GRM7: variants seen among roughly 807,000 people sequenced by gnomAD.
GRM7 encodes glutamate metabotropic receptor 7.
A neutral mutation model predicts 84.5 loss-of-function variants in GRM7; 35 were observed. The ratio of observed to expected loss-of-function variants is 0.41; its 90% CI spans 0.32 to 0.55. GRM7 has a LOEUF of 0.55. Among genes scored for constraint, GRM7 ranks in the 20% least tolerant of loss-of-function variants. The probability of loss-of-function intolerance (pLI) is 0.19; values close to 1 mark genes in which losing one functional copy is unlikely to be tolerated. For missense variants in GRM7, 1,003 were observed against 1,194.6 expected (o/e 0.84, Z 2.36); for synonymous variants, 487 against 455.1 (o/e 1.07, Z -0.89).
intron 1 of GRM7, among the ~76,000 whole-genome samples, chr3:7,091,821 C>T (rs138853396): frequency 0.013 from 1,996 of 150,444 alleles, 24 homozygotes; most frequent in Admixed American, 0.025. Flanking sequence ...CAGTAGCTAC[C>T]TTATGCTACA....
At chr3:7,656,031 A>C (rs565428643) in intron 8 of GRM7, among the ~76,000 whole-genome samples, 1 of 152,338 alleles carries the variant, frequency 6.6e-6, no homozygotes, top group South Asian at 2.1e-4. Flanking sequence ...GATTAAGAGT[A>C]ATAATAAATG....
In GRM7 at chr3:7,509,437, C is replaced by T. The variant is rs563183189; in HGVS notation, c.1515+47715C>T. Among the ~76,000 whole-genome samples, 161 of 152,242 alleles carry T rather than the reference C, an allele frequency of 1.1e-3. 2 individuals carry two copies. In the South Asian group the frequency reaches 0.03, roughly 28 times the overall value. On this transcript the variant is annotated intron_variant, in intron 7 of 9. Coordinates refer to ENST00000357716, the MANE Select transcript of GRM7 (RefSeq NM_000844.4). ...GCTACATAGGATGGGTACTATCTGGCGTCTACTGGGGTCTTGGAATGTATC... is the reference window on the plus strand; with the variant it reads ...GCTACATAGGATGGGTACTATCTGGTGTCTACTGGGGTCTTGGAATGTATC...
At chr3:7,093,927 T>C (rs1051978827) in intron 1 of GRM7, among the ~76,000 whole-genome samples, 6 of 152,084 alleles carry the variant, frequency 3.9e-5, no homozygotes, top group Admixed American at 3.9e-4. Flanking sequence ...AAAACTCTAT[T>C]TATGGGATTA....
intron 1 of GRM7, among the ~76,000 whole-genome samples, chr3:7,026,816 AT>A (rs963695883): frequency 1.3e-5 from 2 of 152,232 alleles, no homozygotes; most frequent in African/African-American, 4.8e-5. Context: ...ACCAGAAAAT[AT>A]GGGGTTTTAG....
At chr3:7,082,400 A>T (rs577341237) in intron 1 of GRM7, among the ~76,000 whole-genome samples, 9 of 152,110 alleles carry the variant, frequency 5.9e-5, no homozygotes, top group Non-Finnish European at 1.3e-4. Flanking sequence ...GAGAGCTACT[A>T]CTCGGTAAAA....
intron 7 of GRM7, among the ~76,000 whole-genome samples, chr3:7,471,584 T>A (rs1457017622): frequency 1.3e-5 from 2 of 152,192 alleles, no homozygotes; most frequent in East Asian, 3.9e-4. Context: ...ATTTGTTTCA[T>A]TGATTCTCCT....
intron 2 of GRM7, among the ~76,000 whole-genome samples, chr3:7,168,821 T>G (rs896860042): frequency 1.3e-5 from 2 of 152,134 alleles, no homozygotes; most frequent in African/African-American, 4.8e-5. Context: ...ATGGCCAACT[T>G]CTCTATGAAA....
intron 2 of GRM7, among the ~76,000 whole-genome samples, chr3:7,211,885 T>C (rs1696441516): frequency 6.6e-6 from 1 of 152,066 alleles, no homozygotes; most frequent in South Asian, 2.1e-4. Flanking sequence ...ACTTTTTCAC[T>C]TTTGACTTCC....
intron 7 of GRM7, among the ~76,000 whole-genome samples, chr3:7,487,177 A>G (rs1295671191): frequency 6.6e-6 from 1 of 152,200 alleles, no homozygotes; most frequent in Non-Finnish European, 1.5e-5. Context: ...TAAGCAAAAT[A>G]TAGAAGGAAC....
chr3:7,480,461 T>G (rs1261063359), intron 7 of GRM7, among the ~76,000 whole-genome samples: 1 of 152,226 alleles, frequency 6.6e-6, no homozygotes, highest in Non-Finnish European at 1.5e-5. Context: ...TTTAGAACTG[T>G]GTTAAAGTTG....
intron 9 of GRM7, among the ~76,000 whole-genome samples, chr3:7,734,698 A>T (rs1702444748): frequency 6.6e-6 from 1 of 152,160 alleles, no homozygotes; most frequent in Admixed American, 6.5e-5. Context: ...CTCCTGGGAG[A>T]TGGAGAAAGT....
At chr3:7,021,520 A>G (rs558093476) in intron 1 of GRM7, among the ~76,000 whole-genome samples, 3 of 152,338 alleles carry the variant, frequency 2.0e-5, no homozygotes, top group South Asian at 2.1e-4. Context: ...ACTGTGGTGC[A>G]TAATTCTCAC....
intron 1 of GRM7, among the ~76,000 whole-genome samples, chr3:6,887,455 C>T (rs1695743231): frequency 6.6e-6 from 1 of 151,932 alleles, no homozygotes; most frequent in Non-Finnish European, 1.5e-5. Context: ...TGTTCAATTC[C>T]CACCTATGAG....
At chr3:7,720,859 C>T (rs1312766879) in intron 9 of GRM7, among the ~76,000 whole-genome samples, 2 of 152,198 alleles carry the variant, frequency 1.3e-5, no homozygotes, top group Non-Finnish European at 2.9e-5. Context: ...ATAGCCCTCT[C>T]TTGTCTTACC....
intron 8 of GRM7, among the ~76,000 whole-genome samples, chr3:7,638,018 T>C (rs1698181160): frequency 6.6e-6 from 1 of 152,258 alleles, no homozygotes; most frequent in African/African-American, 2.4e-5. Flanking sequence ...TTCTATAATT[T>C]CTCTCTGGCA....
chr3:7,016,217 G>A (rs1695561058), intron 1 of GRM7, among the ~76,000 whole-genome samples: 1 of 152,150 alleles, frequency 6.6e-6, no homozygotes, highest in African/African-American at 2.4e-5. Context: ...TTTGACAACT[G>A]AAAAAGTGTT....
intron 9 of GRM7, among the ~76,000 whole-genome samples, chr3:7,714,185 G>C (rs1559502254): frequency 6.6e-6 from 1 of 152,060 alleles, no homozygotes; most frequent in Non-Finnish European, 1.5e-5. Flanking sequence ...TAACCTGAAG[G>C]CTTTATTAAA....
chr3:7,256,414 T>G (rs1398022777), intron 2 of GRM7, among the ~76,000 whole-genome samples: 3 of 152,186 alleles, frequency 2.0e-5, no homozygotes, highest in African/African-American at 7.2e-5. Flanking sequence ...AAGGAACATA[T>G]TTAAAAAAGC....
At chr3:7,652,429 C>G (rs1698987173) in intron 8 of GRM7, among the ~76,000 whole-genome samples, 1 of 152,176 alleles carries the variant, frequency 6.6e-6, no homozygotes, top group African/African-American at 2.4e-5. Flanking sequence ...AATAAACAGA[C>G]TCATGGAAGG....
Sources: allele counts gnomAD v4.1 joint callset (sites outside exome capture counted in the v4.1 genomes callset), GRCh38; gene constraint gnomAD v4.1.1; transcripts MANE v1.5; gene names NCBI Gene and HGNC (gene_info 2026-07-23, HGNC 2026-07-21).